The following FNBP1 variants were observed in gnomAD, a reference collection of about 807,000 sequenced individuals.
FNBP1 encodes the protein formin-binding protein 1.
A neutral mutation model predicts 90.6 loss-of-function variants in FNBP1; 26 were observed. The observed-to-expected ratio is 0.29, with a 90% CI of 0.21 to 0.40. The LOEUF (loss-of-function observed/expected upper bound fraction) is 0.40, where lower values mean the gene tolerates loss of function less well. Among genes scored for constraint, FNBP1 ranks in the 10% least tolerant of loss-of-function variants. The pLI, the probability that FNBP1 is intolerant of heterozygous loss-of-function variation, is 1.00. For missense variants in FNBP1, 635 were observed against 768.0 expected, an observed-to-expected ratio of 0.83 and a Z score of 2.05; for synonymous variants, 260 against 265.2, an observed-to-expected ratio of 0.98 and a Z score of 0.19.
rs570977213 is a variant in FNBP1 at position 129,957,059 on chromosome 9, G to A, written c.513+301C>T. Reference sequence around the variant, plus strand: ...TCTTTTGTCTTTTTTTTTTTTTGGCGATAGTTTCGCTCTTGTTACCCAGGC... The same window carrying A: ...TCTTTTGTCTTTTTTTTTTTTTGGCAATAGTTTCGCTCTTGTTACCCAGGC... On this transcript the variant is annotated intron_variant, in intron 6 of 16. Transcript: ENST00000446176. This position sits in a 1 kb window ranked among gnomAD's most constrained non-coding sequence, Gnocchi z 4.3. Among the ~76,000 whole-genome samples, 10 of 144,522 alleles carry A rather than the reference G, an allele frequency of 6.9e-5. No homozygotes were observed. The highest frequency in any genetic ancestry group is 1.1e-4 in the Non-Finnish European group (7 of 66,458). 94.8% of individuals were successfully genotyped at this position (144,522 alleles called of 152,430 possible).
chr9:129,894,098 C>T (rs1468635885), intron 16 of FNBP1, among the ~76,000 whole-genome samples: 1 of 151,952 alleles, frequency 6.6e-6, no homozygotes, highest in Non-Finnish European at 1.5e-5. Flanking sequence ...CAAATGAACC[C>T]ACAATGTAGA....
intron 9 of FNBP1, 97 bp downstream of exon 9, chr9:129,924,863 G>A: frequency 9.3e-7 from 1 of 1,076,048 alleles, no homozygotes; most frequent in Non-Finnish European, 1.3e-6. Flanking sequence ...TTTGCATTCT[G>A]AAACTACAGG....
At chr9:129,913,274 C>T (rs1007539838) in intron 11 of FNBP1, among the ~76,000 whole-genome samples, 1 of 152,146 alleles carries the variant, frequency 6.6e-6, no homozygotes, top group African/African-American at 2.4e-5. Context: ...TGGACAACAG[C>T]TTTAGCCTCT....
At chr9:129,915,404 C>G (rs568683748) in intron 11 of FNBP1, among the ~76,000 whole-genome samples, 58 of 152,280 alleles carry the variant, frequency 3.8e-4, no homozygotes, top group African/African-American at 1.1e-3. Flanking sequence ...TGCTCTGTCA[C>G]CCAGGCTGGA....
chr9:129,963,070 A>C (rs1327616668), intron 4 of FNBP1, among the ~76,000 whole-genome samples: 1 of 152,206 alleles, frequency 6.6e-6, no homozygotes, highest in South Asian at 2.1e-4. Context: ...AGCCGCTCCC[A>C]AAAGTTTTAC....
chr9:129,925,197 C>A, intron 8 of FNBP1, 40 bp from the exon 9 acceptor site: 1 of 1,511,540 alleles, frequency 6.6e-7, no homozygotes. Context: ...CATTCAGAAG[C>A]ATGCAAACAC....
intron 1 of FNBP1, among the ~76,000 whole-genome samples, chr9:130,033,140 C>G (rs1306545354): frequency 6.6e-6 from 1 of 152,076 alleles, no homozygotes; most frequent in Non-Finnish European, 1.5e-5. Context: ...TTGTGTTTAC[C>G]TATCACCTTT....
chr9:129,893,618 A>AAAAAAAAAAAAAAAG (rs2035336126), intron 16 of FNBP1, among the ~76,000 whole-genome samples: 1 of 119,782 alleles, frequency 8.3e-6, no homozygotes, highest in Non-Finnish European at 1.7e-5. Context: ...GTCTCAAAAA[A>AAAAAAAAAAAAAAAG]AAAAAAAAAA....
chr9:129,949,052 C>A (rs1200804038), intron 6 of FNBP1, among the ~76,000 whole-genome samples: 1 of 152,026 alleles, frequency 6.6e-6, no homozygotes, highest in Non-Finnish European at 1.5e-5. Flanking sequence ...GTCTAGTCCA[C>A]CTCGTTGAAA....
At position 129,910,515 on chromosome 9, in the gene FNBP1, A is replaced by AGG. The variant is rs2039079390; in HGVS notation, c.1186-1517_1186-1516insCC. ...AAAAAAAAAAAAAAAAGAGAGAGAGAAATTTCTTCAAATAACCAGGGATAA... is the reference window on the plus strand; with the variant it reads ...AAAAAAAAAAAAAAAAGAGAGAGAGAGGAATTTCTTCAAATAACCAGGGATAA... On this transcript the variant is annotated intron_variant, in intron 11 of 16. Transcript: ENST00000446176. Among the ~76,000 whole-genome samples the AGG allele has an allele frequency of 2.0e-5, 3 of 148,722 alleles. No homozygotes were observed. The South Asian group carries it at 6.4e-4, about 32-fold the overall frequency.
intron 6 of FNBP1, among the ~76,000 whole-genome samples, chr9:129,948,971 C>T (rs148283492): frequency 5.7e-4 from 86 of 151,970 alleles, no homozygotes; most frequent in African/African-American, 1.5e-3. Context: ...GAGTAAGATG[C>T]GGACATGGTA....
intron 6 of FNBP1, among the ~76,000 whole-genome samples, chr9:129,941,867 T>C (rs1340892512): frequency 5.3e-5 from 8 of 152,080 alleles, no homozygotes; most frequent in Admixed American, 5.2e-4. Context: ...GGTCAGGAGT[T>C]CAAGACCCCC....
chr9:129,979,252 T>A, intron 3 of FNBP1, 66 bp downstream of exon 3: 1 of 895,734 alleles, frequency 1.1e-6, no homozygotes, highest in Non-Finnish European at 1.8e-6. Context: ...CATGTATTTC[T>A]CCTTTCCGTG....
At chr9:129,989,458 C>A (rs2052783490) in intron 2 of FNBP1, among the ~76,000 whole-genome samples, 1 of 152,094 alleles carries the variant, frequency 6.6e-6, no homozygotes, top group African/African-American at 2.4e-5. Context: ...AGGCCTGTAC[C>A]CTACCGATTC....
At chr9:129,934,823 C>T (rs1228373420) in intron 6 of FNBP1, among the ~76,000 whole-genome samples, 1 of 152,026 alleles carries the variant, frequency 6.6e-6, no homozygotes, top group Non-Finnish European at 1.5e-5. Flanking sequence ...CTGCCTGCCT[C>T]GGCCTGCGTT....
In FNBP1 at chr9:129,912,630, G is replaced by A. The variant is rs1027499456; in HGVS notation, c.1185+3336C>T. ...TTGAACCCGGGAGGTGGAGGTTGTGGTGAGCTGAGATTGCGCTACTGCGCA... is the reference window on the plus strand; with the variant it reads ...TTGAACCCGGGAGGTGGAGGTTGTGATGAGCTGAGATTGCGCTACTGCGCA... On this transcript the variant is annotated intron_variant, in intron 11 of 16. Coordinates refer to ENST00000446176, the MANE Select transcript of FNBP1 (RefSeq NM_015033.3). Among the ~76,000 whole-genome samples the A allele has an allele frequency of 9.4e-5, 14 of 149,004 alleles. No individual in the cohort carries two copies. The East Asian group carries it at 2.6e-3, about 28-fold the overall frequency.
intron 6 of FNBP1, among the ~76,000 whole-genome samples, chr9:129,947,108 G>C (rs532831420): frequency 6.6e-5 from 10 of 152,224 alleles, no homozygotes; most frequent in African/African-American, 2.4e-4. Context: ...TGTTTGGGTG[G>C]GCAAGTGGGA....
chr9:129,958,381 G>T, intron 5 of FNBP1, 110 bp downstream of exon 5: 3 of 753,110 alleles, frequency 4.0e-6, no homozygotes, highest in South Asian at 3.2e-5. Flanking sequence ...ACAGTGAGCC[G>T]AGATCGCACC....
chr9:130,001,314 AAAAACAAAACAAAAC>A lies in FNBP1; in HGVS notation c.25-6371_25-6357del, dbSNP rs1309508344. Among the ~76,000 whole-genome samples, 75 of 9,708 alleles carry A rather than the reference AAAAACAAAACAAAAC, an allele frequency of 7.7e-3. 3 individuals are homozygous for A. The highest frequency in any genetic ancestry group is 0.1 in the South Asian group (2 of 20). 6.4% of individuals were successfully genotyped at this position (9,708 alleles called of 152,430 possible). ...GTGACAGTGCAAGACTCCATCTCAA[AAAAACAAAACAAAAC>A]AAAAAAAAACAGCTAATGGTGAAGA... On this transcript the variant is annotated intron_variant, in intron 1 of 16. Transcript: ENST00000446176.
Sources: gnomAD v4.1 joint callset for allele counts (sites outside exome capture counted in the v4.1 genomes callset) on GRCh38, gnomAD v4.1.1 for gene constraint, Gnocchi (gnomAD v3.1) non-coding constraint, MANE v1.5 for transcripts, NCBI Gene and HGNC (gene_info 2026-07-23, HGNC 2026-07-21) for gene names.